SGCG: variants seen among roughly 807,000 people sequenced by gnomAD.
SGCG encodes the protein gamma-sarcoglycan.
SGCG carries 26 observed loss-of-function variants against 29.3 expected under a neutral mutation model. That is an observed-to-expected ratio of 0.89 (90% confidence interval 0.65 to 1.23). The LOEUF (loss-of-function observed/expected upper bound fraction) is 1.23. SGCG is among the 50% of genes most tolerant of loss of function. The probability of loss-of-function intolerance (pLI) is 0.00; values close to 1 mark genes in which losing one functional copy is unlikely to be tolerated. For missense variants in SGCG, 353 were observed against 356.0 expected (o/e 0.99, Z 0.07); for synonymous variants, 145 against 129.7 (o/e 1.12, Z -0.80).
chr13:23,171,329 A>G, the SGCG span, among the ~76,000 whole-genome samples: 18 of 152,348 alleles, frequency 1.2e-4, no homozygotes, highest in African/African-American at 3.4e-4. Context: ...CAACATTAAT[A>G]GGAGAACATT....
chr13:23,290,551 C>T (rs1169593168), intron 5 of SGCG, among the ~76,000 whole-genome samples: 5 of 152,104 alleles, frequency 3.3e-5, no homozygotes, highest in Admixed American at 2.6e-4. Flanking sequence ...GAGCATTTTT[C>T]ATTGGAGTAA....
chr13:23,231,271 T>C (rs1879099386), intron 2 of SGCG, among the ~76,000 whole-genome samples: 1 of 152,020 alleles, frequency 6.6e-6, no homozygotes, highest in African/African-American at 2.4e-5. Context: ...CTCTGCCAGG[T>C]TTGAGTGTCA....
intron 3 of SGCG, among the ~76,000 whole-genome samples, chr13:23,250,085 G>A (rs1022829501): frequency 2.6e-5 from 4 of 152,074 alleles, no homozygotes; most frequent in Non-Finnish European, 5.9e-5. Flanking sequence ...AATGTCTTAA[G>A]CTAAATGCTT....
chr13:23,279,428 C>T lies in SGCG; in HGVS notation c.455C>T (p.Thr152Ile), dbSNP rs201329880. The T allele has an allele frequency of 6.7e-5, 108 of 1,613,214 alleles. No homozygotes were observed. The highest frequency in any genetic ancestry group is 8.9e-5 in the Non-Finnish European group (105 of 1,179,382). ...TCCAACGACGGCAAGCCACTATTTA[C>T]TGTAGATGAGAAGGAAGTTGTGGTT... ...INSNDGKPLF[T>I]VDEKEVVVGT... The change falls in exon 5 of 8, where the codon ACT becomes ATT. Residue 152 changes from threonine (T) to isoleucine (I), a missense_variant. Coordinates refer to ENST00000218867, the MANE Select transcript of SGCG (RefSeq NM_000231.3).
intron 4 of SGCG, among the ~76,000 whole-genome samples, chr13:23,277,236 A>G (rs570688606): frequency 9.2e-5 from 14 of 152,352 alleles, no homozygotes; most frequent in South Asian, 4.1e-4. Flanking sequence ...TGGATTAATT[A>G]TTCCAATTAT....
intron 5 of SGCG, among the ~76,000 whole-genome samples, chr13:23,292,435 C>T (rs536555874): frequency 6.6e-6 from 1 of 152,304 alleles, no homozygotes; most frequent in East Asian, 1.9e-4. Context: ...ATAAAACTCC[C>T]AACTTTCTCT....
intron 1 of SGCG, among the ~76,000 whole-genome samples, chr13:23,182,067 C>G (rs1050478927): frequency 6.6e-6 from 1 of 152,180 alleles, no homozygotes; most frequent in Non-Finnish European, 1.5e-5. Context: ...TTAGATATAG[C>G]ATTCCAAAGA....
At chr13:23,245,743 G>GA (rs1462885291) in intron 3 of SGCG, 2 of 152,108 alleles carry the variant, frequency 1.3e-5, no homozygotes, top group Non-Finnish European at 2.9e-5. Context: ...AGTCATTTGT[G>GA]AAAAAACTCT....
At chr13:23,211,893 G>T (rs76735793) in intron 2 of SGCG, among the ~76,000 whole-genome samples, 5,456 of 152,206 alleles carry the variant, frequency 0.036, 210 homozygotes, top group East Asian at 0.2. Context: ...CCAATCTCCT[G>T]TTGAATTGTA....
chr13:23,323,464 G>T (rs1316663527), intron 7 of SGCG, among the ~76,000 whole-genome samples: 1 of 152,154 alleles, frequency 6.6e-6, no homozygotes, highest in East Asian at 1.9e-4. Flanking sequence ...CATAAAGGAA[G>T]GAGCTCTCCT....
At position 23,234,725 on chromosome 13, in the gene SGCG, TAA is replaced by T; in HGVS notation, c.297+14_297+15del. ...ACACTCCAGAGTGGTAAGAAAATGTTAAGACAAATAATTTGTGCTTTATGAAA... is the reference window on the plus strand; with the variant it reads ...ACACTCCAGAGTGGTAAGAAAATGTTGACAAATAATTTGTGCTTTATGAAA... On this transcript the variant is annotated intron_variant, in intron 3 of 7. Coordinates refer to ENST00000218867, the MANE Select transcript of SGCG (RefSeq NM_000231.3). 2.0e-6 allele frequency: 3 copies of T among 1,468,728 alleles called. No homozygotes were observed. Among genetic ancestry groups the T allele is most frequent in the Non-Finnish European group, 2.9e-6 (3 of 1,047,500 alleles). 91.0% of individuals were successfully genotyped at this position (1,468,728 alleles called of 1,614,324 possible). A position where few individuals can be genotyped will look rare whatever the true frequency, so the allele number is the denominator to read the frequency against.
intron 5 of SGCG, among the ~76,000 whole-genome samples, chr13:23,283,041 G>T (rs1435833423): frequency 6.6e-6 from 1 of 152,166 alleles, no homozygotes; most frequent in Non-Finnish European, 1.5e-5. Flanking sequence ...TTCCAATTAT[G>T]TGGTCAATTT....
At chr13:23,241,745 A>C (rs1241294360) in intron 3 of SGCG, among the ~76,000 whole-genome samples, 2 of 152,152 alleles carry the variant, frequency 1.3e-5, no homozygotes, top group African/African-American at 4.8e-5. Context: ...ACCAAATACA[A>C]CACATTTATC....
intron 4 of SGCG, among the ~76,000 whole-genome samples, chr13:23,262,122 A>G (rs1424468820): frequency 6.6e-6 from 1 of 152,142 alleles, no homozygotes; most frequent in African/African-American, 2.4e-5. Context: ...TCACTAGGTA[A>G]CAATCAACAT....
rs1416196368 is a variant in SGCG, at chr13:23,300,975, G to A, written c.578+5488G>A. On this transcript the variant is annotated intron_variant, in intron 6 of 7. Transcript: ENST00000218867. ...CGAAAAATACAAAAGAATTAGCCGG[G>A]TGTGGTGGCAGGCACCTGTAGTTCC... Among the ~76,000 whole-genome samples the A allele has an allele frequency of 2.0e-5, 3 of 152,120 alleles. No individual in the cohort carries two copies. In the East Asian group the frequency reaches 5.8e-4, roughly 29 times the overall value.
intron 5 of SGCG, among the ~76,000 whole-genome samples, chr13:23,294,175 C>A (rs2137642640): frequency 1.3e-5 from 2 of 152,228 alleles, no homozygotes; most frequent in East Asian, 3.9e-4. Flanking sequence ...CCTCTTAAGC[C>A]AAGGGTAGGA....
intron 4 of SGCG, among the ~76,000 whole-genome samples, chr13:23,278,678 G>A (rs1449297722): frequency 6.6e-6 from 1 of 152,130 alleles, no homozygotes; most frequent in Non-Finnish European, 1.5e-5. Flanking sequence ...GATGGCACAG[G>A]GTGAGTGAGC....
At chr13:23,233,654 C>G (rs78319227) in intron 2 of SGCG, among the ~76,000 whole-genome samples, 2,656 of 152,094 alleles carry the variant, frequency 0.017, 69 homozygotes, top group African/African-American at 0.061. Context: ...GATCTGTACT[C>G]TTAAAAGTGG....
upstream of SGCG, among the ~76,000 whole-genome samples, chr13:23,177,567 G>GTTT (rs1362238874): frequency 8.7e-6 from 1 of 115,496 alleles, no homozygotes; most frequent in African/African-American, 3.7e-5. Context: ...ATGTGAGCAG[G>GTTT]CTTTTTTTTT....
Sources: gnomAD v4.1 joint callset for allele counts (sites outside exome capture counted in the v4.1 genomes callset) on GRCh38, gnomAD v4.1.1 for gene constraint, MANE v1.5 for transcripts, NCBI Gene and HGNC (gene_info 2026-07-23, HGNC 2026-07-21) for gene names.